Variants in RAPGEF6 observed in about 807,000 individuals in gnomAD.
RAPGEF6 encodes the protein PDZ domain containing guanine nucleotide exchange factor (GEF) 2.
A neutral mutation model predicts 171.4 loss-of-function variants in RAPGEF6; 56 were observed. That is an observed-to-expected ratio of 0.33 (90% CI 0.26 to 0.41). The LOEUF is 0.41. Among genes scored for constraint, RAPGEF6 ranks in the 10% least tolerant of loss-of-function variants. The pLI is 1.00. For synonymous variants in RAPGEF6, 692 were observed against 650.1 expected (o/e 1.06, Z -0.98); for missense variants, 1,674 against 1,921.4 (o/e 0.87, Z 2.41).
At chr5:131,610,872 T>G (rs1764894615) in intron 1 of RAPGEF6, among the ~76,000 whole-genome samples, 1 of 152,188 alleles carries the variant, frequency 6.6e-6, no homozygotes, top group African/African-American at 2.4e-5. Context: ...CAGGTGGCCT[T>G]GAAAATATGC....
intron 15 of RAPGEF6, among the ~76,000 whole-genome samples, chr5:131,486,470 C>T (rs1265062662): frequency 6.6e-6 from 1 of 152,122 alleles, no homozygotes; most frequent in African/African-American, 2.4e-5. Context: ...CTTTGAAATA[C>T]GAGAGTCACA....
chr5:131,430,738 G>A (rs751623701), intron 26 of RAPGEF6, 121 bp downstream of exon 26: 3 of 1,338,070 alleles, frequency 2.2e-6, no homozygotes, highest in Non-Finnish European at 3.2e-6. Flanking sequence ...TGTTTGTGAA[G>A]GAAAGAAAGG....
intron 5 of RAPGEF6, 51 bp from the exon 6 acceptor site, chr5:131,548,241 T>C (rs1416084607): frequency 1.3e-6 from 2 of 1,588,844 alleles, no homozygotes; most frequent in Admixed American, 1.7e-5. Flanking sequence ...TTCCATATTA[T>C]TGACAATCTA....
chr5:131,430,449 C>T (rs567567579), intron 26 of RAPGEF6, among the ~76,000 whole-genome samples: 1 of 152,128 alleles, frequency 6.6e-6, no homozygotes, highest in Non-Finnish European at 1.5e-5. Flanking sequence ...CTCACTGTTA[C>T]GACCTAAAAT....
In RAPGEF6 at chr5:131,521,987, T is replaced by A. The variant is rs114782478; in HGVS notation, c.496-466A>T. On this transcript the variant is annotated intron_variant, in intron 6 of 27. Transcript: ENST00000509018. Reference sequence around the variant, plus strand: ...AGAATAAAACAGCAATATCTTGGAATCAAGTTCAGCTACTGGCAGCAAGAC... The same window carrying A: ...AGAATAAAACAGCAATATCTTGGAAACAAGTTCAGCTACTGGCAGCAAGAC... Among the ~76,000 whole-genome samples, 512 of 151,864 alleles carry A rather than the reference T, an allele frequency of 3.4e-3. 2 individuals are homozygous for A. The highest frequency in any genetic ancestry group is 0.012 in the African/African-American group (491 of 41,410).
chr5:131,611,176 G>A (rs1244051026), intron 1 of RAPGEF6, among the ~76,000 whole-genome samples: 1 of 152,174 alleles, frequency 6.6e-6, no homozygotes, highest in Non-Finnish European at 1.5e-5. Context: ...GCATTCTGGT[G>A]TGAATGCTCT....
At chr5:131,604,601 T>A in intron 2 of RAPGEF6, 22 bp downstream of exon 2, 1 of 1,608,554 alleles carries the variant, frequency 6.2e-7, no homozygotes, top group Non-Finnish European at 8.5e-7. Flanking sequence ...GCGTGTGCTC[T>A]TAAATACAGA....
At chr5:131,563,313 A>G (rs1303057970) in intron 4 of RAPGEF6, among the ~76,000 whole-genome samples, 3 of 152,204 alleles carry the variant, frequency 2.0e-5, no homozygotes, top group African/African-American at 7.2e-5. Context: ...TCATTTATAA[A>G]GAAAATTATA....
chr5:131,573,158 C>A (rs1329083360), intron 4 of RAPGEF6, among the ~76,000 whole-genome samples: 1 of 152,106 alleles, frequency 6.6e-6, no homozygotes, highest in Admixed American at 6.5e-5. Flanking sequence ...CCTTGCCAGG[C>A]TGAATCAGGT....
chr5:131,611,869 A>G (rs1764951037), intron 1 of RAPGEF6, among the ~76,000 whole-genome samples: 1 of 152,114 alleles, frequency 6.6e-6, no homozygotes, highest in African/African-American at 2.4e-5. Flanking sequence ...CTTTCTTCCC[A>G]AATTATACAC....
intron 3 of RAPGEF6, among the ~76,000 whole-genome samples, chr5:131,595,881 A>G (rs752702969): frequency 2.6e-5 from 4 of 152,180 alleles, no homozygotes; most frequent in Non-Finnish European, 4.4e-5. Flanking sequence ...GGTTGGGTGC[A>G]GTGGCTTATG....
intron 16 of RAPGEF6, 21 bp from the exon 17 acceptor site, chr5:131,472,765 T>A: frequency 6.3e-7 from 1 of 1,591,584 alleles, no homozygotes; most frequent in Non-Finnish European, 8.6e-7. Context: ...ATGTCATATA[T>A]CACTTTAAAG....
chr5:131,597,288 T>G (rs1205216633), intron 3 of RAPGEF6, among the ~76,000 whole-genome samples: 1 of 151,664 alleles, frequency 6.6e-6, no homozygotes, highest in Non-Finnish European at 1.5e-5. Context: ...TTAGTAGTTA[T>G]TATGGAAAAC....
chr5:131,538,357 G>A (rs1380344191), intron 6 of RAPGEF6, among the ~76,000 whole-genome samples: 1 of 152,108 alleles, frequency 6.6e-6, no homozygotes, highest in Non-Finnish European at 1.5e-5. Flanking sequence ...TAGGCTACAT[G>A]GTACAGCCTA....
At chr5:131,583,179 T>C (rs925157270) in intron 4 of RAPGEF6, among the ~76,000 whole-genome samples, 10 of 152,192 alleles carry the variant, frequency 6.6e-5, no homozygotes, top group African/African-American at 2.4e-4. Context: ...ATCGACTAAA[T>C]GGACCCCCTC....
At chr5:131,547,001 T>C (rs1760590837) in intron 6 of RAPGEF6, among the ~76,000 whole-genome samples, 2 of 152,312 alleles carry the variant, frequency 1.3e-5, no homozygotes, top group African/African-American at 2.4e-5. Flanking sequence ...AAATTTACAA[T>C]ACAAAAACAG....
intron 21 of RAPGEF6, among the ~76,000 whole-genome samples, chr5:131,452,581 G>A (rs887097094): frequency 1.3e-5 from 2 of 149,642 alleles, no homozygotes; most frequent in East Asian, 3.9e-4. Flanking sequence ...GCTTAGAAAC[G>A]AGATGAAAAC....
At chr5:131,508,277 G>A in intron 8 of RAPGEF6, 70 bp from the exon 9 acceptor site, 1 of 1,377,662 alleles carries the variant, frequency 7.3e-7, no homozygotes, top group Admixed American at 2.5e-5. Context: ...ACGAAATCTA[G>A]AATTCAATTC....
At chr5:131,608,619 T>C (rs1464085911) in intron 1 of RAPGEF6, among the ~76,000 whole-genome samples, 4 of 152,192 alleles carry the variant, frequency 2.6e-5, no homozygotes, top group Non-Finnish European at 1.5e-5. Flanking sequence ...AATGTAGCAG[T>C]GTTAGCAGGT....
Sources: gnomAD v4.1 joint callset for allele counts (sites outside exome capture counted in the v4.1 genomes callset) on GRCh38, gnomAD v4.1.1 for gene constraint, MANE v1.5 for transcripts, NCBI Gene and HGNC (gene_info 2026-07-23, HGNC 2026-07-21) for gene names.